Variants in UBE2N observed in about 807,000 individuals in gnomAD.
The protein encoded by UBE2N is ubiquitin-conjugating enzyme E2 N.
For missense variants in UBE2N, 60 were observed against 192.1 expected (o/e 0.31, Z 4.07); for synonymous variants, 70 against 69.2 (o/e 1.01, Z -0.06).
rs1878021934 is a variant in UBE2N at position 93,411,222 on chromosome 12, A to G, written c.108T>C (p.His36=). The G allele has an allele frequency of 1.4e-5, 22 of 1,614,228 alleles. No homozygotes were observed. The highest frequency in any genetic ancestry group is 1.8e-5 in the Non-Finnish European group (21 of 1,180,020). ...EPDESNARYF[H]VVIAGPQDSP... is the part of the protein sequence containing the mutation. Reference sequence around the variant, plus strand: ...AATCCTGAGGGCCAGCAATGACCACATGAAAATAACGGGCGTTGCTCTCAT... The same window carrying G: ...AATCCTGAGGGCCAGCAATGACCACGTGAAAATAACGGGCGTTGCTCTCAT... Residue 36 remains histidine (H), a synonymous_variant, in exon 2 of 4, where the codon CAT becomes CAC. Coordinates refer to ENST00000318066, the MANE Select transcript of UBE2N (RefSeq NM_003348.4).
At chr12:93,430,646 C>T (rs142682189) in intron 1 of UBE2N, among the ~76,000 whole-genome samples, 121 of 151,940 alleles carry the variant, frequency 8.0e-4, no homozygotes, top group African/African-American at 2.9e-3. Flanking sequence ...GGCTCAGTGG[C>T]TCACGCCTGT....
In UBE2N at chr12:93,406,275, C is replaced by CGA; in HGVS notation, c.*3763_*3764insTC. The CGA allele has an allele frequency of 2.6e-5, 1 of 37,990 alleles. No homozygotes were observed. Among genetic ancestry groups the CGA allele is most frequent in the East Asian group, 1.5e-3 (1 of 658 alleles). The allele number at this position is 37,990 out of a possible 1,614,324, so 2.4% of individuals were successfully genotyped here. On this transcript the variant is annotated 3_prime_UTR_variant, in exon 4 of 4. Coordinates refer to ENST00000318066, the MANE Select transcript of UBE2N (RefSeq NM_003348.4). Reference sequence around the variant, plus strand: ...AGAGCTAGAAAGTGGCTAGAGCAGCCAAAAAAAAAAAAAAAAAAAAAAAAA... The same window carrying CGA: ...AGAGCTAGAAAGTGGCTAGAGCAGCCGAAAAAAAAAAAAAAAAAAAAAAAAAA...
intron 1 of UBE2N, among the ~76,000 whole-genome samples, chr12:93,435,338 T>A (rs1878903791): frequency 6.6e-6 from 1 of 152,104 alleles, no homozygotes; most frequent in Non-Finnish European, 1.5e-5. Context: ...CTGGGCGTGG[T>A]GGCATACACC....
intron 1 of UBE2N, among the ~76,000 whole-genome samples, chr12:93,424,572 A>G (rs1167978019): frequency 6.6e-6 from 1 of 152,210 alleles, no homozygotes; most frequent in Non-Finnish European, 1.5e-5. Context: ...AAGCATGCAG[A>G]TATTGGAGGG....
Position 93,411,074 on chromosome 12 carries a change from T to C in UBE2N, c.256A>G (p.Ile86Val). ...YHPNVDKLGRICLDILKDKWS... is the reference protein window; with the variant it reads ...YHPNVDKLGRVCLDILKDKWS... Reference sequence around the variant, plus strand: ...TTACCTTTCAAAATATCTAAACATATTCTTCCCAACTTGTCTACATTAGGA... The same window carrying C: ...TTACCTTTCAAAATATCTAAACATACTCTTCCCAACTTGTCTACATTAGGA... Residue 86 changes from isoleucine to valine, a missense_variant, in exon 2 of 4, where the codon ATA becomes GTA. Transcript: ENST00000318066. The C allele has an allele frequency of 6.2e-7, 1 of 1,614,266 alleles. No individual in the cohort carries two copies. The highest frequency in any genetic ancestry group is 8.5e-7 in the Non-Finnish European group (1 of 1,180,046).
Position 93,441,940 on chromosome 12 carries a change from G to C in UBE2N, c.-56C>G. 6.5e-7 allele frequency: 1 copy of C among 1,531,990 alleles called. No homozygotes were observed. The highest frequency in any genetic ancestry group is 8.8e-7 in the Non-Finnish European group (1 of 1,140,240). 94.9% of individuals were successfully genotyped at this position (1,531,990 alleles called of 1,614,324 possible). A position where few individuals can be genotyped will look rare whatever the true frequency, so the allele number is the denominator to read the frequency against. On this transcript the variant is annotated 5_prime_UTR_variant, in exon 1 of 4. Coordinates refer to ENST00000318066, the MANE Select transcript of UBE2N (RefSeq NM_003348.4). Reference sequence around the variant, plus strand: ...TCGTCTCCGGCTCCTCTCGCCTCACGCACGAGTGGAAGTCCCGGGCTCCAC... The same window carrying C: ...TCGTCTCCGGCTCCTCTCGCCTCACCCACGAGTGGAAGTCCCGGGCTCCAC...
At chr12:93,432,052 T>A (rs1592749934) in intron 1 of UBE2N, among the ~76,000 whole-genome samples, 1 of 152,238 alleles carries the variant, frequency 6.6e-6, no homozygotes, top group East Asian at 1.9e-4. Context: ...ACCAACATGG[T>A]GAAACCCTGT....
chr12:93,420,064 T>C (rs908534775), intron 1 of UBE2N, among the ~76,000 whole-genome samples: 3 of 152,148 alleles, frequency 2.0e-5, no homozygotes, highest in African/African-American at 7.2e-5. Context: ...TACTCCCACA[T>C]ATTTAAATCT....
chr12:93,410,588 A>T, intron 3 of UBE2N, 146 bp downstream of exon 3: 1 of 1,249,324 alleles, frequency 8.0e-7, no homozygotes, highest in Non-Finnish European at 1.1e-6. Flanking sequence ...CCATTTTGTT[A>T]AGACGTATTT....
Position 93,409,004 on chromosome 12 carries a change from A to T in UBE2N, c.*1035T>A, listed in dbSNP as rs986469696. The T allele has an allele frequency of 2.0e-5, 3 of 152,694 alleles. No individual in the cohort carries two copies. The highest frequency in any genetic ancestry group is 1.3e-4 in the Admixed American group (2 of 15,290). The allele number at this position is 152,694 out of a possible 1,614,324, so 9.5% of individuals were successfully genotyped here. A position where few individuals can be genotyped will look rare whatever the true frequency, so the allele number is the denominator to read the frequency against. ...GTCCTACATGTCAGTCACAACTGCT[A>T]TCTTTGCTGTGACTTTCCTGTACAG... On this transcript the variant is annotated 3_prime_UTR_variant, in exon 4 of 4. Transcript: ENST00000318066.
At chr12:93,428,239 A>AATAT (rs933607018) in intron 1 of UBE2N, among the ~76,000 whole-genome samples, 2 of 152,130 alleles carry the variant, frequency 1.3e-5, no homozygotes, top group African/African-American at 4.8e-5. Context: ...TTTAGTAATG[A>AATAT]ATATATATTC....
intron 1 of UBE2N, among the ~76,000 whole-genome samples, chr12:93,417,408 C>CA (rs1878252605): frequency 6.6e-6 from 1 of 152,134 alleles, no homozygotes; most frequent in Non-Finnish European, 1.5e-5. Flanking sequence ...CAGTACGAAG[C>CA]AATGACAGGT....
At position 93,433,828 on chromosome 12, in the gene UBE2N, T is replaced by C. The variant is rs937099411; in HGVS notation, c.30+8027A>G. ...AAACATAATGTGTGTTCAGAATCCA[T>C]ACAACTTGAATCTGTAGCATATTTT... On this transcript the variant is annotated intron_variant, in intron 1 of 3. Coordinates refer to ENST00000318066, the MANE Select transcript of UBE2N (RefSeq NM_003348.4). Among the ~76,000 whole-genome samples, 3 of 152,342 alleles carry C rather than the reference T, an allele frequency of 2.0e-5. No individual in the cohort carries two copies. The East Asian group carries it at 5.8e-4, about 29-fold the overall frequency.
intron 1 of UBE2N, among the ~76,000 whole-genome samples, chr12:93,439,299 C>A (rs1220343833): frequency 6.6e-6 from 1 of 152,116 alleles, no homozygotes; most frequent in Admixed American, 6.5e-5. Context: ...CCAGCCTGGG[C>A]AACATGGCGA....
chr12:93,417,292 C>T (rs915427844), intron 1 of UBE2N, among the ~76,000 whole-genome samples: 1 of 152,224 alleles, frequency 6.6e-6, no homozygotes, highest in Non-Finnish European at 1.5e-5. Flanking sequence ...TAGACTCACA[C>T]TACTGTAAAC....
intron 1 of UBE2N, among the ~76,000 whole-genome samples, chr12:93,414,804 C>T (rs1878151632): frequency 6.6e-6 from 1 of 152,214 alleles, no homozygotes; most frequent in South Asian, 2.1e-4. Context: ...GGCTTTATCT[C>T]CACAGCACTA....
intron 1 of UBE2N, among the ~76,000 whole-genome samples, chr12:93,437,692 G>C (rs1347039433): frequency 6.6e-6 from 1 of 151,732 alleles, no homozygotes; most frequent in African/African-American, 2.4e-5. Context: ...AAGAGACTGA[G>C]GCAGGAGAAT....
chr12:93,425,069 C>G (rs1052558309), intron 1 of UBE2N, among the ~76,000 whole-genome samples: 1 of 152,222 alleles, frequency 6.6e-6, no homozygotes, highest in African/African-American at 2.4e-5. Context: ...ATAACCAACA[C>G]TACATAAGGC....
intron 1 of UBE2N, among the ~76,000 whole-genome samples, chr12:93,437,643 G>A (rs984538555): frequency 2.6e-5 from 4 of 152,164 alleles, no homozygotes; most frequent in Non-Finnish European, 4.4e-5. Flanking sequence ...CTAAAAATTA[G>A]CCAGGTGTGG....
Sources: allele counts gnomAD v4.1 joint callset (sites outside exome capture counted in the v4.1 genomes callset), GRCh38; gene constraint gnomAD v4.1.1; transcripts MANE v1.5; gene names NCBI Gene and HGNC (gene_info 2026-07-23, HGNC 2026-07-21).